The following PELP1 variants were observed in gnomAD, a reference collection of about 807,000 sequenced individuals.
PELP1 encodes the protein proline-, glutamic acid- and leucine-rich protein 1.
A neutral mutation model predicts 95.5 loss-of-function variants in PELP1; 32 were observed. The observed-to-expected ratio is 0.34, with a 90% CI of 0.25 to 0.45. PELP1 has a LOEUF of 0.45. Ranked by LOEUF, PELP1 falls within the 20% of genes least tolerant of loss-of-function variation. The pLI is 1.00. For missense variants in PELP1, 1,358 were observed against 1,444.8 expected, an observed-to-expected ratio of 0.94 and a Z score of 0.97; for synonymous variants, 668 against 600.1, an observed-to-expected ratio of 1.11 and a Z score of -1.65.
chr17:4,703,391 C>T (rs1414143903), intron 1 of PELP1, among the ~76,000 whole-genome samples: 1 of 152,150 alleles, frequency 6.6e-6, no homozygotes, highest in East Asian at 1.9e-4. Flanking sequence ...GTTAGAGACC[C>T]CTGATATTCA....
In PELP1 at chr17:4,691,344, C is replaced by T. The variant is rs776262843; in HGVS notation, c.314+34G>A. 5.9e-6 allele frequency: 9 copies of T among 1,513,664 alleles called. No individual in the cohort carries two copies. In the East Asian group the frequency reaches 6.8e-5, roughly 11 times the overall value. The allele number at this position is 1,513,664 out of a possible 1,614,324, so 93.8% of individuals were successfully genotyped here. A position where few individuals can be genotyped will look rare whatever the true frequency, so the allele number is the denominator to read the frequency against. On this transcript the variant is annotated intron_variant, in intron 2 of 16. Coordinates refer to ENST00000572293, the MANE Select transcript of PELP1 (RefSeq NM_014389.3). ...CATATGCCCACTTCCTAAGGGAACA[C>T]GCCCCTGGAGAAAAAAAAGGGCCAA...
chr17:4,675,106 A>G lies in PELP1; in HGVS notation c.1247T>C (p.Leu416Pro). ...GTAAGGCCTCTCCTGGCCTGGAGAGAGGGAATCTCTACCGATGCTCCAGGA... is the reference window on the plus strand; with the variant it reads ...GTAAGGCCTCTCCTGGCCTGGAGAGGGGGAATCTCTACCGATGCTCCAGGA... Reference protein sequence around the residue: ...LNSWSIGRDSLSPGQERPYST... With the variant: ...LNSWSIGRDSPSPGQERPYST... The change falls in exon 11 of 17, where the codon CTC becomes CCC. Residue 416 changes from leucine (L) to proline (P), a missense_variant. Transcript: ENST00000572293. This position sits in a 1 kb window ranked among gnomAD's most constrained non-coding sequence, Gnocchi z 4.3. The G allele has an allele frequency of 6.2e-7, 1 of 1,613,588 alleles. No homozygotes were observed. The highest frequency in any genetic ancestry group is 8.5e-7 in the Non-Finnish European group (1 of 1,179,794).
intron 1 of PELP1, among the ~76,000 whole-genome samples, chr17:4,696,355 G>A (rs1402285184): frequency 2.0e-5 from 3 of 152,078 alleles, no homozygotes; most frequent in South Asian, 2.1e-4. Flanking sequence ...TAAAAAGAGC[G>A]AAGACTATGA....
rs145754051 is a variant in PELP1 at position 4,674,233 on chromosome 17, G to A, written c.1582+277C>T. Among the ~76,000 whole-genome samples the A allele has an allele frequency of 9.4e-3, 1,433 of 152,382 alleles. 17 individuals are homozygous for A. Among genetic ancestry groups the A allele is most frequent in the South Asian group, 0.02 (98 of 4,830 alleles). On this transcript the variant is annotated intron_variant, in intron 13 of 16. Coordinates refer to ENST00000572293, the MANE Select transcript of PELP1 (RefSeq NM_014389.3). ...GGCTACCAGAGCTCCCGGTCTAACC[G>A]CAGGACCCGAGGCCGCCTGCAGCCC... is the stretch of plus-strand genomic sequence containing the variant.
At position 4,671,883 on chromosome 17, in the gene PELP1, C is replaced by T; in HGVS notation, c.3108G>A (p.Glu1036=). 3 of 1,514,216 alleles carry T rather than the reference C, an allele frequency of 2.0e-6. No homozygotes were observed. The highest frequency in any genetic ancestry group is 1.8e-6 in the Non-Finnish European group (2 of 1,134,946). The allele number at this position is 1,514,216 out of a possible 1,614,324, so 93.8% of individuals were successfully genotyped here. The change falls in exon 16 of 17, where the codon GAG becomes GAA. Residue 1036 remains glutamate, a synonymous_variant. Coordinates refer to ENST00000572293, the MANE Select transcript of PELP1 (RefSeq NM_014389.3). The part of the protein sequence containing the change: ...LAPEALPSQG[E]VEREGESPAA... ...CAGGGCTTTCCCCTTCCCTCTCCAC[C>T]TCTCCCTGGGAGGGGAGCGCTTCAG...
At chr17:4,692,632 A>T (rs1396970230) in intron 1 of PELP1, among the ~76,000 whole-genome samples, 1 of 152,170 alleles carries the variant, frequency 6.6e-6, no homozygotes, top group Non-Finnish European at 1.5e-5. Context: ...AAAATAAAGC[A>T]GAGTAAGGAA....
intron 13 of PELP1, among the ~76,000 whole-genome samples, chr17:4,674,309 T>C (rs1480707482): frequency 6.6e-6 from 1 of 152,238 alleles, no homozygotes; most frequent in East Asian, 1.9e-4. Flanking sequence ...TCTGCGGGCT[T>C]CCGCCTGGCT....
At chr17:4,683,441 C>G (rs538821792) in intron 3 of PELP1, among the ~76,000 whole-genome samples, 10 of 150,382 alleles carry the variant, frequency 6.6e-5, no homozygotes, top group East Asian at 5.8e-4. Context: ...AGGATGGTCT[C>G]GATCTCCGAC....
Position 4,691,448 on chromosome 17 carries a change from G to C in PELP1, c.250-6C>G. 6.2e-7 allele frequency: 1 copy of C among 1,610,918 alleles called. No individual in the cohort carries two copies. The highest frequency in any genetic ancestry group is 8.5e-7 in the Non-Finnish European group (1 of 1,177,190). ...GCCCCAAGAGCTGAAAGGTTCTGGAGGAAAGAAAACAGGGAAGCGAGTCAC... is the reference window on the plus strand; with the variant it reads ...GCCCCAAGAGCTGAAAGGTTCTGGACGAAAGAAAACAGGGAAGCGAGTCAC... On this transcript the variant is annotated splice_region_variant and splice_polypyrimidine_tract_variant and intron_variant, in intron 1 of 16. Transcript: ENST00000572293.
chr17:4,676,478 G>A lies in PELP1; in HGVS notation c.732C>T (p.Pro244=), dbSNP rs1288694926. The A allele has an allele frequency of 1.9e-6, 3 of 1,613,732 alleles. No individual in the cohort carries two copies. The highest frequency in any genetic ancestry group is 1.7e-6 in the Non-Finnish European group (2 of 1,179,838). ...QLACECYSRL[P]SLGAGFSQGL... Reference sequence around the variant, plus strand: ...CTTGGGAAAAGCCAGCCCCTAAAGAGGGCAGCCGGGAATAACACTCACAGG... The same window carrying A: ...CTTGGGAAAAGCCAGCCCCTAAAGAAGGCAGCCGGGAATAACACTCACAGG... Residue 244 remains proline, a synonymous_variant, in exon 7 of 17, where the codon CCC becomes CCT. Coordinates refer to ENST00000572293, the MANE Select transcript of PELP1 (RefSeq NM_014389.3).
rs753376211 is a variant in PELP1 at position 4,703,895 on chromosome 17, A to G, written c.217T>C (p.Leu73=). The change falls in exon 1 of 17, where the codon TTG becomes CTG. Residue 73 remains leucine (L), a synonymous_variant. Coordinates refer to ENST00000572293, the MANE Select transcript of PELP1 (RefSeq NM_014389.3). ...CCGCCCACCGACCCATGCAGCCGCAATAGGCACATGAGCCCGGGCAAATGT... is the reference window on the plus strand; with the variant it reads ...CCGCCCACCGACCCATGCAGCCGCAGTAGGCACATGAGCCCGGGCAAATGT... ...APHLPGLMCL[L]RLHGSVGGAQ... is the part of the protein sequence containing the mutation. 3 of 1,613,198 alleles carry G rather than the reference A, an allele frequency of 1.9e-6. No homozygotes were observed. In the South Asian group the frequency reaches 3.3e-5, roughly 18 times the overall value.
intron 1 of PELP1, among the ~76,000 whole-genome samples, chr17:4,692,009 T>C (rs1913121977): frequency 2.6e-5 from 4 of 152,156 alleles, no homozygotes; most frequent in Admixed American, 2.0e-4. Context: ...ATGCCCCAAA[T>C]GGCCAGCCTC....
At chr17:4,691,288 TG>T (rs1161247646) in intron 2 of PELP1, 89 bp downstream of exon 2, 3 of 936,014 alleles carry the variant, frequency 3.2e-6, no homozygotes, top group African/African-American at 3.3e-5. Context: ...TCTTGAATCC[TG>T]GGGACGGTGA....
In PELP1 at chr17:4,674,802, T is replaced by C; in HGVS notation, c.1422+7A>G. On this transcript the variant is annotated splice_region_variant and intron_variant, in intron 12 of 16. Transcript: ENST00000572293. ...TGAGTCCTAAGGCGGAGCTGAGGCC[T>C]CCTCACCTTAAGGGCATCAGCTGGC... is the stretch of plus-strand genomic sequence containing the variant. 1 of 1,607,324 alleles carries C rather than the reference T, an allele frequency of 6.2e-7. No individual in the cohort carries two copies. The highest frequency in any genetic ancestry group is 8.5e-7 in the Non-Finnish European group (1 of 1,175,728).
Position 4,673,098 on chromosome 17 carries a change from G to C in PELP1, c.1893C>G (p.Thr631=). Residue 631 remains threonine (T), a synonymous_variant, in exon 16 of 17, where the codon ACC becomes ACG. Transcript: ENST00000572293. This position sits in a 1 kb window ranked among gnomAD's most constrained non-coding sequence, Gnocchi z 5.7. Reference sequence around the variant, plus strand: ...GCTGCAGGGGAGGAACCCGGGGGTGGGTCAGAGCAGCACAGGTCACCAGTG... The same window carrying C: ...GCTGCAGGGGAGGAACCCGGGGGTGCGTCAGAGCAGCACAGGTCACCAGTG... The part of the protein sequence containing the change: ...SEALVTCAAL[T]HPRVPPLQPM... 2.0e-6 allele frequency: 3 copies of C among 1,523,584 alleles called. No individual in the cohort carries two copies. Among genetic ancestry groups the C allele is most frequent in the Non-Finnish European group, 2.6e-6 (3 of 1,138,052 alleles). The allele number at this position is 1,523,584 out of a possible 1,614,324, so 94.4% of individuals were successfully genotyped here.
chr17:4,682,033 C>T (rs949001919), intron 5 of PELP1, among the ~76,000 whole-genome samples: 1 of 151,354 alleles, frequency 6.6e-6, no homozygotes, highest in African/African-American at 2.4e-5. Flanking sequence ...TGGTGGCACA[C>T]GCCTTAGTCC....
At chr17:4,693,926 A>T (rs938524482) in intron 1 of PELP1, among the ~76,000 whole-genome samples, 5 of 152,130 alleles carry the variant, frequency 3.3e-5, no homozygotes, top group African/African-American at 1.2e-4. Flanking sequence ...GCCGGGCACA[A>T]TGGCACCCGC....
intron 2 of PELP1, 24 bp downstream of exon 2, chr17:4,691,354 G>T: frequency 6.3e-7 from 1 of 1,578,472 alleles, no homozygotes; most frequent in Non-Finnish European, 8.7e-7. Context: ...CGCCCCTGGA[G>T]AAAAAAAAGG....
chr17:4,685,649 G>A (rs747274828), intron 3 of PELP1, among the ~76,000 whole-genome samples: 14 of 151,910 alleles, frequency 9.2e-5, no homozygotes, highest in Non-Finnish European at 1.6e-4. Context: ...TTTAATTAGC[G>A]GGGGGTGGTG....
Sources: allele counts gnomAD v4.1 joint callset (sites outside exome capture counted in the v4.1 genomes callset), GRCh38; gene constraint gnomAD v4.1.1; non-coding constraint Gnocchi (gnomAD v3.1); transcripts MANE v1.5; gene names NCBI Gene and HGNC (gene_info 2026-07-23, HGNC 2026-07-21).